The following NPAS2 variants were observed in gnomAD, a reference collection of about 807,000 sequenced individuals.
NPAS2 encodes neuronal PAS domain protein 2.
A neutral mutation model predicts 107.5 loss-of-function variants in NPAS2; 23 were observed. The ratio of observed to expected loss-of-function variants is 0.21; its 90% CI spans 0.15 to 0.30. NPAS2 has a LOEUF of 0.30. NPAS2 is among the 10% of genes least tolerant of loss of function. The pLI, the probability that NPAS2 is intolerant of heterozygous loss-of-function variation, is 1.00. For missense variants in NPAS2, 756 were observed against 1,043.3 expected, an observed-to-expected ratio of 0.72 and a Z score of 3.79; for synonymous variants, 403 against 417.5, an observed-to-expected ratio of 0.97 and a Z score of 0.42.
chr2:100,870,785 T>A (rs1220050453), intron 1 of NPAS2, among the ~76,000 whole-genome samples: 1 of 152,202 alleles, frequency 6.6e-6, no homozygotes, highest in Non-Finnish European at 1.5e-5. Flanking sequence ...CAACCAGCAC[T>A]ATGGTGTGAG....
chr2:100,963,910 C>T, intron 7 of NPAS2, 148 bp from the exon 8 acceptor site: 2 of 565,530 alleles, frequency 3.5e-6, no homozygotes, highest in Non-Finnish European at 6.4e-6. Context: ...GTTGACCTAC[C>T]TCATCCAGTT....
chr2:100,957,723 G>A (rs960937694), intron 7 of NPAS2, among the ~76,000 whole-genome samples: 10 of 152,024 alleles, frequency 6.6e-5, no homozygotes, highest in Non-Finnish European at 1.0e-4. Flanking sequence ...TCAGGAGATC[G>A]AGACCATCCT....
At chr2:100,904,169 G>A (rs950406633) in intron 1 of NPAS2, among the ~76,000 whole-genome samples, 1 of 152,038 alleles carries the variant, frequency 6.6e-6, no homozygotes, top group South Asian at 2.1e-4. Context: ...CTCTCCTTTA[G>A]GATGTCATAG....
intron 1 of NPAS2, chr2:100,878,632 A>G (rs752836985): frequency 1.0e-6 from 1 of 985,360 alleles, no homozygotes; most frequent in Non-Finnish European, 1.2e-6. Context: ...AACAGAATCA[A>G]GGTAACTTTG....
At chr2:100,926,604 T>C (rs1408936379) in intron 3 of NPAS2, among the ~76,000 whole-genome samples, 1 of 152,212 alleles carries the variant, frequency 6.6e-6, no homozygotes, top group Non-Finnish European at 1.5e-5. Context: ...TTTGGAGAGA[T>C]GTCCAAATCC....
In NPAS2 at chr2:100,948,365, A is replaced by T; in HGVS notation, c.484+10A>T. ...CCAGAATACTTAAAATGTAAGTTTA[A>T]TTTTTCTGGTTTTACAAGCTAGAAA... On this transcript the variant is annotated intron_variant, in intron 6 of 20. Coordinates refer to ENST00000335681, the MANE Select transcript of NPAS2 (RefSeq NM_002518.4). The T allele has an allele frequency of 1.3e-6, 2 of 1,586,618 alleles. No homozygotes were observed. The highest frequency in any genetic ancestry group is 1.7e-6 in the Non-Finnish European group (2 of 1,168,024).
chr2:100,963,636 G>A (rs1349642124), intron 7 of NPAS2, among the ~76,000 whole-genome samples: 4 of 152,230 alleles, frequency 2.6e-5, no homozygotes, highest in East Asian at 1.9e-4. Context: ...TGGTGGTCTC[G>A]AACTTCTGGC....
At chr2:100,887,742 C>T (rs140637356) in intron 1 of NPAS2, among the ~76,000 whole-genome samples, 1,554 of 152,072 alleles carry the variant, frequency 0.01, 26 homozygotes, top group African/African-American at 0.036. Flanking sequence ...ACCCGGGTCC[C>T]CTGTCTGCCA....
At chr2:100,848,256 C>G (rs1677910098) in intron 1 of NPAS2, among the ~76,000 whole-genome samples, 1 of 152,118 alleles carries the variant, frequency 6.6e-6, no homozygotes, top group Non-Finnish European at 1.5e-5. Flanking sequence ...GTGGTCTGCC[C>G]AGCCCTGCTT....
intron 12 of NPAS2, among the ~76,000 whole-genome samples, chr2:100,971,858 G>GA (rs904321881): frequency 4.3e-5 from 6 of 139,496 alleles, no homozygotes; most frequent in Non-Finnish European, 3.1e-5. Context: ...AATGTTGGGA[G>GA]AAAAAAAAAA....
At chr2:100,852,154 T>C (rs1678220818) in intron 1 of NPAS2, among the ~76,000 whole-genome samples, 1 of 152,076 alleles carries the variant, frequency 6.6e-6, no homozygotes, top group African/African-American at 2.4e-5. Flanking sequence ...CCCAGCACTT[T>C]GGGAGGTCAA....
intron 10 of NPAS2, among the ~76,000 whole-genome samples, chr2:100,967,237 CTTTTTTTT>C (rs58558247): frequency 2.0e-4 from 20 of 100,546 alleles, no homozygotes; most frequent in African/African-American, 6.8e-4. Flanking sequence ...AGTCAGTGTC[CTTTTTTTT>C]TTTTTTTTTT....
intron 15 of NPAS2, among the ~76,000 whole-genome samples, chr2:100,979,616 C>T (rs960302408): frequency 7.4e-5 from 11 of 148,458 alleles, no homozygotes; most frequent in South Asian, 4.3e-4. Context: ...TGGGTTCCAG[C>T]GATTCTTCTG....
chr2:100,849,211 T>C (rs1361840400), intron 1 of NPAS2, among the ~76,000 whole-genome samples: 1 of 152,172 alleles, frequency 6.6e-6, no homozygotes, highest in African/African-American at 2.4e-5. Flanking sequence ...AGCTCTCTCT[T>C]CTCTGGTTTA....
At position 100,965,564 on chromosome 2, in the gene NPAS2, G is replaced by A; in HGVS notation, c.801-96G>A. On this transcript the variant is annotated intron_variant, in intron 9 of 20. Transcript: ENST00000335681. The surrounding 1 kb of genome is among the most constrained non-coding windows in gnomAD (Gnocchi z 4.3). The stretch of plus-strand genomic sequence containing the variant: ...TCTCCCCTTGTTCTTGAGAAATGAG[G>A]CCTCCATGTTGATCATTATGGAAAG... 2 of 671,770 alleles carry A rather than the reference G, an allele frequency of 3.0e-6. No individual in the cohort carries two copies. Among genetic ancestry groups the A allele is most frequent in the East Asian group, 2.8e-5 (1 of 35,812 alleles). The allele number at this position is 671,770 out of a possible 1,614,324, so 41.6% of individuals were successfully genotyped here. A position where few individuals can be genotyped will look rare whatever the true frequency, so the allele number is the denominator to read the frequency against.
At chr2:100,914,416 G>A (rs1682745097) in intron 2 of NPAS2, among the ~76,000 whole-genome samples, 1 of 152,176 alleles carries the variant, frequency 6.6e-6, no homozygotes, top group Admixed American at 6.5e-5. Context: ...GCATAGGACA[G>A]TAGTTTTATT....
chr2:100,964,399 C>T (rs889038536), intron 8 of NPAS2, among the ~76,000 whole-genome samples: 5 of 152,144 alleles, frequency 3.3e-5, no homozygotes, highest in Admixed American at 2.0e-4. Flanking sequence ...CTGTTCAGCC[C>T]GCAGAAGTGC....
intron 3 of NPAS2, among the ~76,000 whole-genome samples, chr2:100,927,817 C>G (rs548459314): frequency 1.5e-4 from 23 of 152,326 alleles, no homozygotes; most frequent in Admixed American, 1.2e-3. Context: ...GTCACACCTA[C>G]CCTGCCAGTC....
chr2:100,963,000 A>G (rs949479056), intron 7 of NPAS2, among the ~76,000 whole-genome samples: 1 of 152,238 alleles, frequency 6.6e-6, no homozygotes, highest in East Asian at 1.9e-4. Context: ...TAGGACAGTA[A>G]TGCCCTCCTA....
Sources: gnomAD v4.1 joint callset for allele counts (sites outside exome capture counted in the v4.1 genomes callset) on GRCh38, gnomAD v4.1.1 for gene constraint, Gnocchi (gnomAD v3.1) non-coding constraint, MANE v1.5 for transcripts, NCBI Gene and HGNC (gene_info 2026-07-23, HGNC 2026-07-21) for gene names.